Variants in PBX3 observed in about 807,000 individuals in gnomAD.
PBX3 encodes the protein PBX homeobox 3, also known as pre-B-cell leukemia transcription factor 3.
Under a neutral mutation model 48.5 loss-of-function variants are expected in PBX3, and 14 were observed. That is an observed-to-expected ratio of 0.29 (90% CI 0.19 to 0.45). The LOEUF (loss-of-function observed/expected upper bound fraction) is 0.45, where lower values mean the gene tolerates loss of function less well. Among genes scored for constraint, PBX3 ranks in the 20% least tolerant of loss-of-function variants. PBX3 has a pLI of 1.00. For synonymous variants in PBX3, 210 were observed against 200.3 expected, an observed-to-expected ratio of 1.05 and a Z score of -0.41; for missense variants, 386 against 546.7, an observed-to-expected ratio of 0.71 and a Z score of 2.93.
intron 2 of PBX3, among the ~76,000 whole-genome samples, chr9:125,906,378 T>A (rs1156313091): frequency 1.3e-5 from 2 of 151,960 alleles, no homozygotes; most frequent in Non-Finnish European, 2.9e-5. Flanking sequence ...GCAAAAACAA[T>A]AAAATGGACA....
At chr9:125,791,773 A>C (rs1309368474) in intron 2 of PBX3, among the ~76,000 whole-genome samples, 4 of 151,954 alleles carry the variant, frequency 2.6e-5, no homozygotes, top group African/African-American at 9.7e-5. Flanking sequence ...GTCTCTACTG[A>C]AAATAGAAAA....
chr9:125,919,972 T>A (rs984222722), intron 3 of PBX3, among the ~76,000 whole-genome samples: 16 of 152,222 alleles, frequency 1.1e-4, no homozygotes, highest in African/African-American at 3.9e-4. Context: ...ATCATATGTC[T>A]CTATTACATA....
chr9:125,816,294 G>A (rs1359105984), intron 2 of PBX3, among the ~76,000 whole-genome samples: 1 of 152,036 alleles, frequency 6.6e-6, no homozygotes. Context: ...CCCTGCACCC[G>A]GCTCTTCCCC....
At chr9:125,857,725 A>G (rs903762946) in intron 2 of PBX3, among the ~76,000 whole-genome samples, 18 of 152,226 alleles carry the variant, frequency 1.2e-4, no homozygotes, top group Admixed American at 1.3e-4. Context: ...TAGCTATAAC[A>G]TGTTCATGAT....
At chr9:125,962,534 T>G (rs1842451701) in intron 7 of PBX3, among the ~76,000 whole-genome samples, 1 of 152,262 alleles carries the variant, frequency 6.6e-6, no homozygotes, top group South Asian at 2.1e-4. Context: ...TTTAAGAACA[T>G]GTTGCTGTTT....
At chr9:125,802,490 T>C (rs1837988032) in intron 2 of PBX3, among the ~76,000 whole-genome samples, 1 of 147,208 alleles carries the variant, frequency 6.8e-6, no homozygotes, top group African/African-American at 2.5e-5. Context: ...CACCTCAGCC[T>C]CCCAAGTAGC....
At chr9:125,834,935 T>A (rs1373499941) in intron 2 of PBX3, among the ~76,000 whole-genome samples, 2 of 137,002 alleles carry the variant, frequency 1.5e-5, no homozygotes, top group African/African-American at 5.5e-5. Flanking sequence ...GAGAATCGCT[T>A]GAATCTGGGA....
chr9:125,913,467 T>C (rs1841251841), intron 2 of PBX3, among the ~76,000 whole-genome samples: 1 of 152,128 alleles, frequency 6.6e-6, no homozygotes, highest in Non-Finnish European at 1.5e-5. Context: ...ATAATGATGG[T>C]TTATATACGT....
At chr9:125,936,811 A>G (rs1841845640) in intron 5 of PBX3, among the ~76,000 whole-genome samples, 1 of 152,216 alleles carries the variant, frequency 6.6e-6, no homozygotes, top group African/African-American at 2.4e-5. Flanking sequence ...GATTTGGATT[A>G]CCAGCTTACA....
At chr9:125,897,835 C>T (rs1588272684) in intron 2 of PBX3, among the ~76,000 whole-genome samples, 3 of 151,748 alleles carry the variant, frequency 2.0e-5, no homozygotes, top group Non-Finnish European at 4.4e-5. Flanking sequence ...TTACCACTAG[C>T]CGACTTAACT....
At chr9:125,895,555 A>T (rs931780007) in intron 2 of PBX3, among the ~76,000 whole-genome samples, 4 of 152,132 alleles carry the variant, frequency 2.6e-5, no homozygotes, top group Middle Eastern at 3.4e-3. Context: ...TTTGGTTTTT[A>T]TACTAGTTTC....
intron 2 of PBX3, among the ~76,000 whole-genome samples, chr9:125,758,972 A>C (rs1449878357): frequency 6.6e-6 from 1 of 152,226 alleles, no homozygotes; most frequent in Non-Finnish European, 1.5e-5. Flanking sequence ...GGAAGGTGAC[A>C]CTGAGAGGTT....
chr9:125,891,135 T>G (rs1482726069), intron 2 of PBX3, among the ~76,000 whole-genome samples: 1 of 152,240 alleles, frequency 6.6e-6, no homozygotes, highest in Non-Finnish European at 1.5e-5. Flanking sequence ...TTAAAAATGT[T>G]TACTCTTTTC....
intron 2 of PBX3, among the ~76,000 whole-genome samples, chr9:125,841,727 T>G (rs545539574): frequency 6.6e-6 from 1 of 152,276 alleles, no homozygotes; most frequent in African/African-American, 2.4e-5. Flanking sequence ...TGGGCAGTGC[T>G]TACTTTACTG....
intron 2 of PBX3, among the ~76,000 whole-genome samples, chr9:125,756,142 A>C (rs1361579888): frequency 6.6e-6 from 1 of 152,140 alleles, no homozygotes; most frequent in Non-Finnish European, 1.5e-5. Context: ...TAAAAGCTGT[A>C]ACAATTATAA....
chr9:125,816,718 T>G (rs1838475334), intron 2 of PBX3, among the ~76,000 whole-genome samples: 1 of 152,194 alleles, frequency 6.6e-6, no homozygotes, highest in Admixed American at 6.5e-5. Context: ...GTGTCTGTCC[T>G]CAAGTTTTAG....
chr9:125,905,964 A>G (rs1266948310), intron 2 of PBX3, among the ~76,000 whole-genome samples: 1 of 152,000 alleles, frequency 6.6e-6, no homozygotes, highest in East Asian at 1.9e-4. Flanking sequence ...TGATGGATAT[A>G]CTACCATGAG....
At chr9:125,754,988 A>T (rs2131957550) in intron 2 of PBX3, among the ~76,000 whole-genome samples, 1 of 152,226 alleles carries the variant, frequency 6.6e-6, no homozygotes, top group South Asian at 2.1e-4. Context: ...GATCATATTA[A>T]TGAGGACTTG....
At chr9:125,959,205 A>C (rs1486816519) in intron 5 of PBX3, among the ~76,000 whole-genome samples, 1 of 152,236 alleles carries the variant, frequency 6.6e-6, no homozygotes, top group Admixed American at 6.5e-5. Flanking sequence ...ACTGTATTTG[A>C]TATGAAGAAA....
Sources: allele counts gnomAD v4.1 joint callset (sites outside exome capture counted in the v4.1 genomes callset), GRCh38; gene constraint gnomAD v4.1.1; transcripts MANE v1.5; gene names NCBI Gene and HGNC (gene_info 2026-07-23, HGNC 2026-07-21).